COL18A1: variants seen among roughly 807,000 people sequenced by gnomAD.
The protein encoded by COL18A1 is collagen alpha-1(XVIII) chain.
A neutral mutation model predicts 168.0 loss-of-function variants in COL18A1; 133 were observed. The observed-to-expected ratio is 0.79, with a 90% CI of 0.69 to 0.91. The LOEUF is 0.91. Ranked by LOEUF, COL18A1 falls within the 40% of genes least tolerant of loss-of-function variation. The pLI is 0.00. For synonymous variants in COL18A1, 949 were observed against 809.0 expected, an observed-to-expected ratio of 1.17 and a Z score of -2.94; for missense variants, 2,126 against 1,925.4, an observed-to-expected ratio of 1.10 and a Z score of -1.95.
At chr21:45,413,949 A>C (rs528929123) in intron 2 of COL18A1, among the ~76,000 whole-genome samples, 3 of 152,192 alleles carry the variant, frequency 2.0e-5, no homozygotes, top group Non-Finnish European at 4.4e-5. Flanking sequence ...GGCGTCTTCT[A>C]GTATAAATTC....
intron 2 of COL18A1, among the ~76,000 whole-genome samples, chr21:45,427,205 G>A (rs1375905515): frequency 5.3e-5 from 8 of 152,182 alleles, no homozygotes; most frequent in African/African-American, 1.9e-4. Context: ...TTCTCCGTGT[G>A]GGTGCCATAT....
intron 26 of COL18A1, chr21:45,493,797 C>T: frequency 1.7e-6 from 1 of 575,520 alleles, no homozygotes; most frequent in Non-Finnish European, 3.1e-6. Flanking sequence ...CTCTCCCTAC[C>T]CCTGAGCCCA....
Position 45,512,734 on chromosome 21 carries a change from G to T in COL18A1, c.*336G>T, listed in dbSNP as rs933387278. The T allele has an allele frequency of 1.5e-5, 6 of 413,750 alleles. No individual in the cohort carries two copies. The highest frequency in any genetic ancestry group is 1.2e-4 in the African/African-American group (6 of 49,296). The allele number at this position is 413,750 out of a possible 1,614,324, so 25.6% of individuals were successfully genotyped here. A position where few individuals can be genotyped will look rare whatever the true frequency, so the allele number is the denominator to read the frequency against. On this transcript the variant is annotated 3_prime_UTR_variant, in exon 42 of 42. Transcript: ENST00000651438. Reference sequence around the variant, plus strand: ...GATTTCTCCAGGATTTCCTGCTTTGGGAAGCCGTGCTCGCCCCAGCAGGTG... The same window carrying T: ...GATTTCTCCAGGATTTCCTGCTTTGTGAAGCCGTGCTCGCCCCAGCAGGTG...
Position 45,502,237 on chromosome 21 carries a change from A to C in COL18A1, c.2684-1774A>C, listed in dbSNP as rs561119468. Among the ~76,000 whole-genome samples the C allele has an allele frequency of 3.0e-4, 46 of 152,324 alleles. No homozygotes were observed. In the South Asian group the frequency reaches 8.9e-3, roughly 29 times the overall value. On this transcript the variant is annotated intron_variant, in intron 32 of 41. Transcript: ENST00000651438. Reference sequence around the variant, plus strand: ...GGGGGTGTGGAGCCACGTGCTCCAAAGCTTCTGGGTTACAGGGCATGCCTC... The same window carrying C: ...GGGGGTGTGGAGCCACGTGCTCCAACGCTTCTGGGTTACAGGGCATGCCTC...
In COL18A1 at chr21:45,498,739, CAGG is replaced by C. The variant is rs2036636202; in HGVS notation, c.2683+1081_2683+1083del. 1.6e-6 allele frequency: 1 copy of C among 611,892 alleles called. No homozygotes were observed. The allele number at this position is 611,892 out of a possible 1,614,324, so 37.9% of individuals were successfully genotyped here. On this transcript the variant is annotated intron_variant, in intron 32 of 41. Coordinates refer to ENST00000651438, the MANE Select transcript of COL18A1 (RefSeq NM_001379500.1). The surrounding 1 kb of genome is among the most constrained non-coding windows in gnomAD (Gnocchi z 4.5). ...GAATGATGCACAGATGACCAGAAAC[CAGG>C]AGAAGAGGCCAGTGACACACCAGAC...
At chr21:45,482,590 C>T (rs928557298) in intron 14 of COL18A1, among the ~76,000 whole-genome samples, 3 of 152,172 alleles carry the variant, frequency 2.0e-5, no homozygotes, top group African/African-American at 7.2e-5. Flanking sequence ...CCAGGCTTGG[C>T]GTCCCTTGTG....
At chr21:45,437,628 ACACACT>A (rs1337855343) in intron 2 of COL18A1, among the ~76,000 whole-genome samples, 1 of 73,872 alleles carries the variant, frequency 1.4e-5, no homozygotes, top group Non-Finnish European at 2.4e-5. Flanking sequence ...TCTCCTGCAC[ACACACT>A]CACACAGGCA....
intron 2 of COL18A1, among the ~76,000 whole-genome samples, chr21:45,448,707 C>T (rs1285736800): frequency 6.6e-6 from 1 of 152,250 alleles, no homozygotes; most frequent in Admixed American, 6.5e-5. Flanking sequence ...TCATTCTGTC[C>T]GTCCTCCTGT....
intron 38 of COL18A1, among the ~76,000 whole-genome samples, chr21:45,509,061 G>T (rs141827915): frequency 3.9e-5 from 6 of 152,110 alleles, no homozygotes; most frequent in Non-Finnish European, 4.4e-5. Flanking sequence ...AATTGGAGCC[G>T]CGGCAAAGGA....
Position 45,509,431 on chromosome 21 carries a change from C to A in COL18A1, c.3325C>A (p.Pro1109Thr). The change falls in exon 39 of 42, where the codon CCC (proline) becomes ACC (threonine). Residue 1109 changes from proline (P) to threonine (T), a missense_variant. Pro to Thr is a conservative substitution (Grantham distance 38, BLOSUM62 -1). Coordinates refer to ENST00000651438, the MANE Select transcript of COL18A1 (RefSeq NM_001379500.1). ...DSNPYPRREH[P>T]HPTARPWRAD... ...CAACCCCTACCCGCGGCGGGAGCACCCCCACCCCACCGCGCGGCCCTGGCG... is the reference window on the plus strand; with the variant it reads ...CAACCCCTACCCGCGGCGGGAGCACACCCACCCCACCGCGCGGCCCTGGCG... 1 of 1,533,768 alleles carries A rather than the reference C, an allele frequency of 6.5e-7. No homozygotes were observed. The highest frequency in any genetic ancestry group is 1.2e-5 in the South Asian group (1 of 83,746).
At chr21:45,410,570 T>C (rs908635905) in intron 2 of COL18A1, among the ~76,000 whole-genome samples, 1 of 152,260 alleles carries the variant, frequency 6.6e-6, no homozygotes, top group African/African-American at 2.4e-5. Flanking sequence ...GTTCGTTTGC[T>C]CATTTATTTT....
chr21:45,510,196 C>T lies in COL18A1; in HGVS notation c.3628C>T (p.Leu1210=), dbSNP rs1225733574. 7 of 1,601,280 alleles carry T rather than the reference C, an allele frequency of 4.4e-6. No individual in the cohort carries two copies. The highest frequency in any genetic ancestry group is 6.0e-6 in the Non-Finnish European group (7 of 1,174,834). Residue 1210 remains leucine, a synonymous_variant, in exon 40 of 42, where the codon CTG becomes TTG. Transcript: ENST00000651438. Reference sequence around the variant, plus strand: ...CTTCCGCGCCTTCCTGTCCTCGCGCCTGCAGGACCTGTACAGCATCGTGCG... The same window carrying T: ...CTTCCGCGCCTTCCTGTCCTCGCGCTTGCAGGACCTGTACAGCATCGTGCG... ...GTFRAFLSSR[L]QDLYSIVRRA...
At position 45,471,324 on chromosome 21, in the gene COL18A1, G is replaced by A. The variant is rs1321478091; in HGVS notation, c.651+2538G>A. ...GGGAGAGGAGAAGCATGCTTGTGTGGTAGAAAAGAAGACAGACTTGTTCAG... is the reference window on the plus strand; with the variant it reads ...GGGAGAGGAGAAGCATGCTTGTGTGATAGAAAAGAAGACAGACTTGTTCAG... On this transcript the variant is annotated intron_variant, in intron 3 of 41. Coordinates refer to ENST00000651438, the MANE Select transcript of COL18A1 (RefSeq NM_001379500.1). The surrounding 1 kb of genome is among the most constrained non-coding windows in gnomAD (Gnocchi z 4.4). 6.6e-6 allele frequency among the ~76,000 whole-genome samples: 1 copy of A among 152,230 alleles called. No individual in the cohort carries two copies. Among genetic ancestry groups the A allele is most frequent in the Non-Finnish European group, 1.5e-5 (1 of 68,038 alleles).
At chr21:45,497,022 A>G (rs2036566218) in intron 30 of COL18A1, 28 bp from the exon 31 acceptor site, 2 of 1,580,824 alleles carry the variant, frequency 1.3e-6, no homozygotes, top group Non-Finnish European at 1.7e-6. Flanking sequence ...CATCGCCCTC[A>G]GCAGCCGCCT....
rs1272675809 is a variant in COL18A1 at position 45,473,557 on chromosome 21, C to G, written c.652-338C>G. 6.6e-6 allele frequency among the ~76,000 whole-genome samples: 1 copy of G among 152,100 alleles called. No homozygotes were observed. Among genetic ancestry groups the G allele is most frequent in the Non-Finnish European group, 1.5e-5 (1 of 68,008 alleles). The stretch of plus-strand genomic sequence containing the variant: ...TTGACCTGCAGCCCCTCGAATCTGC[C>G]CGCCCTCCCAGGCCTTGGATCGAGC... On this transcript the variant is annotated intron_variant, in intron 3 of 41. Coordinates refer to ENST00000651438, the MANE Select transcript of COL18A1 (RefSeq NM_001379500.1). This position sits in a 1 kb window ranked among gnomAD's most constrained non-coding sequence, Gnocchi z 4.0.
At chr21:45,406,091 C>T (rs1476578699) in intron 2 of COL18A1, among the ~76,000 whole-genome samples, 1 of 152,134 alleles carries the variant, frequency 6.6e-6, no homozygotes, top group Non-Finnish European at 1.5e-5. Flanking sequence ...TTCCCGTGCG[C>T]GGCAAACGGT....
intron 6 of COL18A1, 31 bp downstream of exon 6, chr21:45,476,511 T>G (rs779924309): frequency 6.4e-7 from 1 of 1,569,180 alleles, no homozygotes; most frequent in Admixed American, 1.9e-5. Flanking sequence ...GGTGTGTGTG[T>G]GGTGTGGGGT....
intron 32 of COL18A1, among the ~76,000 whole-genome samples, chr21:45,501,218 A>T (rs140618005): frequency 6.6e-6 from 1 of 152,028 alleles, no homozygotes; most frequent in Non-Finnish European, 1.5e-5. Context: ...GTAATTCTAC[A>T]TTTCTATGCA....
intron 2 of COL18A1, among the ~76,000 whole-genome samples, chr21:45,450,451 G>C (rs532676595): frequency 1.2e-4 from 18 of 152,336 alleles, no homozygotes; most frequent in African/African-American, 4.3e-4. Context: ...GAACAGCCCG[G>C]AGCCTCAAAG....
Sources: gnomAD v4.1 joint callset for allele counts (sites outside exome capture counted in the v4.1 genomes callset) on GRCh38, gnomAD v4.1.1 for gene constraint, Gnocchi (gnomAD v3.1) non-coding constraint, MANE v1.5 for transcripts, NCBI Gene and HGNC (gene_info 2026-07-23, HGNC 2026-07-21) for gene names.